Variants in CSMD1 observed in about 807,000 individuals in gnomAD.
CSMD1 encodes the protein CUB and Sushi multiple domains 1, also known as CUB and sushi domain-containing protein 1.
Under a neutral mutation model 417.5 loss-of-function variants are expected in CSMD1, and 213 were observed. The observed-to-expected ratio is 0.51, with a 90% CI of 0.46 to 0.57. The LOEUF is 0.57. CSMD1 is among the 20% of genes least tolerant of loss of function. CSMD1 has a pLI of 0.00. For synonymous variants in CSMD1, 2,862 were observed against 1,736.8 expected, an observed-to-expected ratio of 1.65 and a Z score of -16.11; for missense variants, 6,923 against 4,529.7, an observed-to-expected ratio of 1.53 and a Z score of -15.17.
At chr8:4,281,609 A>C (rs142372485) in intron 3 of CSMD1, among the ~76,000 whole-genome samples, 1 of 152,206 alleles carries the variant, frequency 6.6e-6, no homozygotes, top group Non-Finnish European at 1.5e-5. Flanking sequence ...TGTATAGCCA[A>C]AAGTTAAAGC....
At chr8:3,597,323 G>C (rs1017340040) in intron 8 of CSMD1, among the ~76,000 whole-genome samples, 4 of 152,032 alleles carry the variant, frequency 2.6e-5, no homozygotes, top group African/African-American at 7.3e-5. Flanking sequence ...CAGCACGTTT[G>C]GCATCTCTGT....
intron 1 of CSMD1, among the ~76,000 whole-genome samples, chr8:4,670,604 T>C (rs1805234906): frequency 6.6e-6 from 1 of 152,206 alleles, no homozygotes; most frequent in African/African-American, 2.4e-5. Flanking sequence ...CAGTTCTGTA[T>C]GACATGCATT....
intron 3 of CSMD1, among the ~76,000 whole-genome samples, chr8:4,397,180 A>T (rs974876261): frequency 1.3e-5 from 2 of 152,036 alleles, no homozygotes; most frequent in African/African-American, 4.8e-5. Flanking sequence ...GATGATCAAC[A>T]TGTATGTGTT....
At chr8:4,771,574 G>C (rs769537256) in intron 1 of CSMD1, among the ~76,000 whole-genome samples, 1 of 152,196 alleles carries the variant, frequency 6.6e-6, no homozygotes, top group South Asian at 2.1e-4. Context: ...ATCCTGAAAA[G>C]AAATGGGATG....
intron 3 of CSMD1, among the ~76,000 whole-genome samples, chr8:4,183,643 TAA>T (rs1422700058): frequency 6.6e-6 from 1 of 152,256 alleles, no homozygotes; most frequent in Non-Finnish European, 1.5e-5. Context: ...AGCACAATTT[TAA>T]GTTTCCTTAC....
intron 54 of CSMD1, among the ~76,000 whole-genome samples, chr8:2,990,588 C>G (rs1332714933): frequency 1.3e-5 from 2 of 152,130 alleles, no homozygotes; most frequent in African/African-American, 2.4e-5. Context: ...ACATTATCGG[C>G]GAAAGCAGGA....
chr8:3,068,195 C>T (rs926741116), intron 49 of CSMD1, among the ~76,000 whole-genome samples: 4 of 152,084 alleles, frequency 2.6e-5, no homozygotes, highest in African/African-American at 9.7e-5. Flanking sequence ...TAATTTTCTT[C>T]TTGTCATTTC....
At chr8:3,929,553 A>G (rs1265963409) in intron 5 of CSMD1, among the ~76,000 whole-genome samples, 1 of 150,688 alleles carries the variant, frequency 6.6e-6, no homozygotes, top group African/African-American at 2.4e-5. Context: ...TTGTCTGTCT[A>G]TTCTGATGGA....
intron 3 of CSMD1, among the ~76,000 whole-genome samples, chr8:4,278,153 T>A (rs1796588565): frequency 6.6e-6 from 1 of 152,204 alleles, no homozygotes; most frequent in African/African-American, 2.4e-5. Flanking sequence ...GAGAAGAATC[T>A]ATTCTTGAAT....
intron 1 of CSMD1, among the ~76,000 whole-genome samples, chr8:4,647,391 G>A (rs1235591632): frequency 6.1e-5 from 6 of 99,146 alleles, no homozygotes; most frequent in East Asian, 1.1e-3. Context: ...CGTGTGCCAC[G>A]GAGGTCTGTT....
At chr8:3,855,636 T>A (rs985217476) in intron 5 of CSMD1, among the ~76,000 whole-genome samples, 1 of 152,186 alleles carries the variant, frequency 6.6e-6, no homozygotes, top group East Asian at 1.9e-4. Flanking sequence ...GTTTACTGCT[T>A]GAAACATGAA....
At chr8:4,287,556 C>G (rs2680603) in intron 3 of CSMD1, among the ~76,000 whole-genome samples, 105,221 of 151,880 alleles carry the variant, frequency 0.69, 38,190 homozygotes, top group Non-Finnish European at 0.79. Context: ...ATAACAAAGA[C>G]GGGGGACTAA....
Position 4,962,208 on chromosome 8 carries a change from GA to G in CSMD1, c.85+32123del, listed in dbSNP as rs1809543717. Among the ~76,000 whole-genome samples the G allele has an allele frequency of 3.8e-5, 5 of 132,314 alleles. No homozygotes were observed. In the East Asian group the frequency reaches 7.3e-4, roughly 19 times the overall value. 86.8% of individuals were successfully genotyped at this position (132,314 alleles called of 152,430 possible). On this transcript the variant is annotated intron_variant, in intron 1 of 69. Coordinates refer to ENST00000635120, the MANE Select transcript of CSMD1 (RefSeq NM_033225.6). Reference sequence around the variant, plus strand: ...TTCTGCTTTTTTTTTAAAAAAAAAAGAAAAAAACAAATATTTGTTGGAGACA... The same window carrying G: ...TTCTGCTTTTTTTTTAAAAAAAAAAGAAAAAACAAATATTTGTTGGAGACA...
At chr8:4,095,359 T>C (rs1563117215) in intron 3 of CSMD1, among the ~76,000 whole-genome samples, 3 of 152,068 alleles carry the variant, frequency 2.0e-5, no homozygotes, top group Non-Finnish European at 4.4e-5. Flanking sequence ...CCTGGTTGTA[T>C]GTGGCTGATG....
At chr8:4,759,656 T>A (rs1361679626) in intron 1 of CSMD1, among the ~76,000 whole-genome samples, 1 of 152,078 alleles carries the variant, frequency 6.6e-6, no homozygotes, top group African/African-American at 2.4e-5. Flanking sequence ...TAAGTGAGAA[T>A]ATGTGGTGTT....
intron 12 of CSMD1, among the ~76,000 whole-genome samples, chr8:3,415,739 G>C (rs1028505150): frequency 6.6e-6 from 1 of 152,190 alleles, no homozygotes; most frequent in Non-Finnish European, 1.5e-5. Context: ...AGAATCTGAT[G>C]AAGCTCAGTC....
intron 8 of CSMD1, among the ~76,000 whole-genome samples, chr8:3,590,457 G>C (rs1488610878): frequency 2.0e-5 from 3 of 152,114 alleles, no homozygotes; most frequent in Non-Finnish European, 4.4e-5. Context: ...AGTTTTCAAA[G>C]ACTAGTTCAG....
At chr8:3,728,635 G>C (rs1391534305) in intron 6 of CSMD1, among the ~76,000 whole-genome samples, 1 of 152,184 alleles carries the variant, frequency 6.6e-6, no homozygotes, top group Non-Finnish European at 1.5e-5. Context: ...CACCATCCTG[G>C]AGCAGTCGTG....
At chr8:4,704,973 A>G (rs1316971306) in intron 1 of CSMD1, among the ~76,000 whole-genome samples, 7 of 152,278 alleles carry the variant, frequency 4.6e-5, no homozygotes, top group South Asian at 4.1e-4. Context: ...CTAACTTCCA[A>G]TTGTAATCCC....
Sources: allele counts gnomAD v4.1 joint callset (sites outside exome capture counted in the v4.1 genomes callset), GRCh38; gene constraint gnomAD v4.1.1; transcripts MANE v1.5; gene names NCBI Gene and HGNC (gene_info 2026-07-23, HGNC 2026-07-21).